Variants in FADS2 observed in about 807,000 individuals in gnomAD.
FADS2 encodes fatty acid desaturase 2.
In FADS2, 18 loss-of-function variants were observed where a neutral mutation model predicts 61.2. The observed-to-expected ratio is 0.29, with a 90% CI of 0.20 to 0.44. The LOEUF (loss-of-function observed/expected upper bound fraction) is 0.44, where lower values mean the gene tolerates loss of function less well. Among genes scored for constraint, FADS2 ranks in the 20% least tolerant of loss-of-function variants. FADS2 has a pLI of 1.00. For synonymous variants in FADS2, 203 were observed against 223.9 expected, an observed-to-expected ratio of 0.91 and a Z score of 0.83; for missense variants, 322 against 572.7, an observed-to-expected ratio of 0.56 and a Z score of 4.47.
At position 61,816,839 on chromosome 11, in the gene FADS2, T is replaced by A; in HGVS notation, c.141+413T>A. ...GGGGTCCGCGGGCTCCAGGAGTGGATTTGCTGGCGCGCGCCCAGAGCCAGC... is the reference window on the plus strand; with the variant it reads ...GGGGTCCGCGGGCTCCAGGAGTGGAATTGCTGGCGCGCGCCCAGAGCCAGC... On this transcript the variant is annotated intron_variant, in intron 1 of 11. Transcript: ENST00000257261. The surrounding 1 kb of genome is among the most constrained non-coding windows in gnomAD (Gnocchi z 7.0). The A allele has an allele frequency of 6.7e-7, 1 of 1,488,684 alleles. No individual in the cohort carries two copies. The highest frequency in any genetic ancestry group is 2.3e-5 in the Admixed American group (1 of 42,718). 92.2% of individuals were successfully genotyped at this position (1,488,684 alleles called of 1,614,324 possible). A position where few individuals can be genotyped will look rare whatever the true frequency, so the allele number is the denominator to read the frequency against.
chr11:61,863,666 G>T (rs779831939), intron 9 of FADS2, 41 bp from the exon 10 acceptor site: 2 of 1,565,516 alleles, frequency 1.3e-6, no homozygotes, highest in Non-Finnish European at 1.8e-6. Context: ...GGGCCCTTGG[G>T]CCTTCCTTTG....
At chr11:61,852,829 G>A (rs953542709) in intron 5 of FADS2, among the ~76,000 whole-genome samples, 1 of 151,946 alleles carries the variant, frequency 6.6e-6, no homozygotes, top group African/African-American at 2.4e-5. Flanking sequence ...GAGTTTCCTG[G>A]GTAGATGATC....
upstream of FADS2, among the ~76,000 whole-genome samples, chr11:61,824,445 AGGGAGG>A (rs1565325214): frequency 8.4e-4 from 3 of 3,566 alleles, no homozygotes; most frequent in Admixed American, 5.2e-3. Context: ...GGAGGGAGGG[AGGGAGG>A]GAGGGAGGGA....
intron 7 of FADS2, among the ~76,000 whole-genome samples, chr11:61,860,360 G>A (rs2067402728): frequency 6.6e-6 from 1 of 152,206 alleles, no homozygotes; most frequent in African/African-American, 2.4e-5. Context: ...TTCCCGGGGA[G>A]ATTTACATGC....
Position 61,865,447 on chromosome 11 carries a change from AC to A in FADS2, c.1283+172del. On this transcript the variant is annotated intron_variant, in intron 11 of 11. Transcript: ENST00000278840. This position sits in a 1 kb window ranked among gnomAD's most constrained non-coding sequence, Gnocchi z 4.1. ...GCTTTTCTCCCTGGGCTGCGAGAAGACCATCCCTTTCTGTGTGGGGTTCCTG... is the reference window on the plus strand; with the variant it reads ...GCTTTTCTCCCTGGGCTGCGAGAAGACATCCCTTTCTGTGTGGGGTTCCTG... The A allele has an allele frequency of 1.0e-6, 1 of 977,604 alleles. No individual in the cohort carries two copies. The highest frequency in any genetic ancestry group is 1.5e-6 in the Non-Finnish European group (1 of 662,596). The allele number at this position is 977,604 out of a possible 1,614,324, so 60.6% of individuals were successfully genotyped here.
intron 1 of FADS2, among the ~76,000 whole-genome samples, chr11:61,819,840 A>G (rs2067023851): frequency 2.6e-5 from 4 of 151,212 alleles, no homozygotes; most frequent in Admixed American, 2.6e-4. Flanking sequence ...AGCATTAGGT[A>G]TATCTCCTAA....
intron 1 of FADS2, among the ~76,000 whole-genome samples, chr11:61,837,321 G>T (rs888501043): frequency 2.6e-5 from 4 of 151,992 alleles, no homozygotes. Flanking sequence ...GGTAGTATTC[G>T]GTCTTGTCCT....
In FADS2 at chr11:61,816,818, T is replaced by C. The variant is rs1366931525; in HGVS notation, c.141+392T>C. On this transcript the variant is annotated intron_variant, in intron 1 of 11. Coordinates refer to the FADS2 transcript ENST00000257261. The surrounding 1 kb of genome is among the most constrained non-coding windows in gnomAD (Gnocchi z 7.0). ...GGGGCTGTCAGGCGCGTGCTCGGGGTCCGCGGGCTCCAGGAGTGGATTTGC... is the reference window on the plus strand; with the variant it reads ...GGGGCTGTCAGGCGCGTGCTCGGGGCCCGCGGGCTCCAGGAGTGGATTTGC... 1 of 1,492,902 alleles carries C rather than the reference T, an allele frequency of 6.7e-7. No individual in the cohort carries two copies. Among genetic ancestry groups the C allele is most frequent in the South Asian group, 1.3e-5 (1 of 78,078 alleles). 92.5% of individuals were successfully genotyped at this position (1,492,902 alleles called of 1,614,324 possible).
rs1307436723 is a variant in FADS2, at chr11:61,828,882, G to C, written c.207+285G>C. Among the ~76,000 whole-genome samples the C allele has an allele frequency of 6.6e-6, 1 of 152,218 alleles. No homozygotes were observed. The highest frequency in any genetic ancestry group is 1.5e-5 in the Non-Finnish European group (1 of 68,030). On this transcript the variant is annotated intron_variant, in intron 1 of 11. Coordinates refer to ENST00000278840, the MANE Select transcript of FADS2 (RefSeq NM_004265.4). The surrounding 1 kb of genome is among the most constrained non-coding windows in gnomAD (Gnocchi z 6.4). ...CTACCGCGCGCGCCGGGACCCACGCGTCCTCCCCTTCCTCGGGGTTTGTCT... is the reference window on the plus strand; with the variant it reads ...CTACCGCGCGCGCCGGGACCCACGCCTCCTCCCCTTCCTCGGGGTTTGTCT...
At chr11:61,830,762 A>G (rs901421908) in intron 1 of FADS2, among the ~76,000 whole-genome samples, 4 of 152,234 alleles carry the variant, frequency 2.6e-5, no homozygotes, top group African/African-American at 9.6e-5. Flanking sequence ...CTCATCTATA[A>G]GGTACACCTG....
chr11:61,851,428 G>A (rs780676237), intron 5 of FADS2, among the ~76,000 whole-genome samples: 7 of 152,204 alleles, frequency 4.6e-5, no homozygotes, highest in Non-Finnish European at 8.8e-5. Context: ...AGTTACCAGC[G>A]GCGTTTGGAA....
intron 1 of FADS2, among the ~76,000 whole-genome samples, chr11:61,821,954 G>T (rs1012534563): frequency 2.0e-5 from 3 of 151,984 alleles, no homozygotes; most frequent in African/African-American, 7.2e-5. Flanking sequence ...AGGAATTCAC[G>T]GGATTTCCTT....
At chr11:61,836,877 T>C (rs766271501) in intron 1 of FADS2, among the ~76,000 whole-genome samples, 1 of 152,252 alleles carries the variant, frequency 6.6e-6, no homozygotes, top group Non-Finnish European at 1.5e-5. Flanking sequence ...CACTGGGACA[T>C]TCTATTGCAT....
At chr11:61,862,804 A>G (rs1386356280) in intron 7 of FADS2, 168 bp from the exon 8 acceptor site, 2 of 624,856 alleles carry the variant, frequency 3.2e-6, no homozygotes, top group African/African-American at 1.8e-5. Context: ...AAAGGCAGCC[A>G]TGCAAACCCC....
intron 1 of FADS2, among the ~76,000 whole-genome samples, chr11:61,830,571 T>C (rs528478756): frequency 6.6e-6 from 1 of 152,354 alleles, no homozygotes; most frequent in African/African-American, 2.4e-5. Flanking sequence ...CTGGTCCTGC[T>C]CCAGCGCTTT....
At chr11:61,840,945 G>A (rs899233213) in intron 4 of FADS2, among the ~76,000 whole-genome samples, 6 of 152,144 alleles carry the variant, frequency 3.9e-5, no homozygotes, top group Non-Finnish European at 5.9e-5. Context: ...TATGAAGACA[G>A]GCACACACCT....
Position 61,834,517 on chromosome 11 carries a change from T to C in FADS2, c.208-3261T>C, listed in dbSNP as rs529169751. On this transcript the variant is annotated intron_variant, in intron 1 of 11. Coordinates refer to ENST00000278840, the MANE Select transcript of FADS2 (RefSeq NM_004265.4). ...GAGGTGAGGCTGCCCGAGAGCCCTC[T>C]GGAAATGGCTGAGCAGCAACCAAGG... Among the ~76,000 whole-genome samples the C allele has an allele frequency of 3.3e-5, 5 of 152,256 alleles. No homozygotes were observed. The East Asian group carries it at 7.8e-4, about 24-fold the overall frequency.
chr11:61,846,866 T>C (rs1265142333), intron 4 of FADS2: 1 of 152,132 alleles, frequency 6.6e-6, no homozygotes, highest in Non-Finnish European at 1.5e-5. Flanking sequence ...CCCTCCAGCC[T>C]TCCTGGTGTG....
chr11:61,855,801 C>G (rs893838819), intron 5 of FADS2: 2 of 152,456 alleles, frequency 1.3e-5, no homozygotes, highest in East Asian at 3.9e-4. Context: ...TCCAAGGTCC[C>G]TTCCCTCTGT....
Sources: allele counts gnomAD v4.1 joint callset (sites outside exome capture counted in the v4.1 genomes callset), GRCh38; gene constraint gnomAD v4.1.1; non-coding constraint Gnocchi (gnomAD v3.1); transcripts MANE v1.5; gene names NCBI Gene and HGNC (gene_info 2026-07-23, HGNC 2026-07-21).